The following TIAM2 variants were observed in gnomAD, a reference collection of about 807,000 sequenced individuals.
TIAM2 encodes the protein TIAM Rac1 associated GEF 2, also known as rho guanine nucleotide exchange factor TIAM2.
TIAM2 carries 80 observed loss-of-function variants against 152.9 expected under a neutral mutation model. The ratio of observed to expected loss-of-function variants is 0.52; its 90% CI spans 0.44 to 0.63. The LOEUF (loss-of-function observed/expected upper bound fraction) is 0.63. TIAM2 is among the 30% of genes least tolerant of loss of function. The probability of loss-of-function intolerance (pLI) is 0.00; values close to 1 mark genes in which losing one functional copy is unlikely to be tolerated. For missense variants in TIAM2, 1,965 were observed against 2,120.1 expected, an observed-to-expected ratio of 0.93 and a Z score of 1.44; for synonymous variants, 804 against 838.0, an observed-to-expected ratio of 0.96 and a Z score of 0.70.
At chr6:155,089,846 C>T (rs1778260014) in intron 1 of TIAM2, among the ~76,000 whole-genome samples, 1 of 152,124 alleles carries the variant, frequency 6.6e-6, no homozygotes, top group Non-Finnish European at 1.5e-5. Flanking sequence ...GAGATTTTCT[C>T]TCTCATTCAC....
At chr6:155,081,898 T>C (rs1778069793) in intron 1 of TIAM2, among the ~76,000 whole-genome samples, 1 of 152,210 alleles carries the variant, frequency 6.6e-6, no homozygotes, top group Non-Finnish European at 1.5e-5. Flanking sequence ...AGCCACCTTT[T>C]TCATCAGCTG....
At chr6:155,141,010 C>T (rs1779690605) in intron 5 of TIAM2, among the ~76,000 whole-genome samples, 1 of 152,122 alleles carries the variant, frequency 6.6e-6, no homozygotes, top group South Asian at 2.1e-4. Flanking sequence ...TATTTTATCC[C>T]AAAAGGTAGA....
intron 1 of TIAM2, among the ~76,000 whole-genome samples, chr6:155,020,688 C>A (rs1423465240): frequency 1.3e-5 from 2 of 152,164 alleles, no homozygotes; most frequent in African/African-American, 4.8e-5. Flanking sequence ...GTCTCAAACT[C>A]CTGACCTCAA....
chr6:155,043,748 A>G (rs1392187042), intron 1 of TIAM2, among the ~76,000 whole-genome samples: 1 of 151,074 alleles, frequency 6.6e-6, no homozygotes, highest in Admixed American at 6.6e-5. Context: ...ACCCAGGGTG[A>G]TCTGGTCCCA....
intron 1 of TIAM2, among the ~76,000 whole-genome samples, chr6:155,038,150 A>T (rs960312626): frequency 2.6e-5 from 4 of 152,220 alleles, no homozygotes; most frequent in African/African-American, 7.2e-5. Context: ...TGAACACACC[A>T]TGTAATGAGG....
intron 1 of TIAM2, among the ~76,000 whole-genome samples, chr6:155,046,989 G>A (rs1310305756): frequency 6.6e-6 from 1 of 152,198 alleles, no homozygotes; most frequent in African/African-American, 2.4e-5. Context: ...TATGTTTGGG[G>A]TAAGGAAGCG....
chr6:155,042,066 G>A (rs1777058442), intron 1 of TIAM2, among the ~76,000 whole-genome samples: 1 of 151,728 alleles, frequency 6.6e-6, no homozygotes, highest in Admixed American at 6.6e-5. Context: ...CTTTATGGGA[G>A]AGGAAAGCCT....
At chr6:155,093,551 C>G (rs958235861) in intron 2 of TIAM2, among the ~76,000 whole-genome samples, 6 of 152,214 alleles carry the variant, frequency 3.9e-5, no homozygotes, top group Non-Finnish European at 7.3e-5. Flanking sequence ...CTGCAGGAAG[C>G]ACTAGGACCG....
intron 1 of TIAM2, among the ~76,000 whole-genome samples, chr6:155,007,241 G>A (rs1380307169): frequency 6.6e-6 from 1 of 152,142 alleles, no homozygotes; most frequent in East Asian, 1.9e-4. Context: ...GCTTGCATAG[G>A]ATTGTGAGGA....
chr6:155,094,718 T>A (rs1001393478), intron 2 of TIAM2, among the ~76,000 whole-genome samples: 2 of 143,852 alleles, frequency 1.4e-5, no homozygotes, highest in African/African-American at 5.2e-5. Flanking sequence ...CCTGGCTATA[T>A]CTATGGTTTT....
intron 9 of TIAM2, among the ~76,000 whole-genome samples, chr6:155,172,402 C>G (rs1562340811): frequency 6.6e-6 from 1 of 150,960 alleles, no homozygotes; most frequent in African/African-American, 2.4e-5. Context: ...CCTCAGCTTC[C>G]AAAAAAAATC....
chr6:155,065,426 T>C (rs1777671937), intron 1 of TIAM2, among the ~76,000 whole-genome samples: 1 of 152,182 alleles, frequency 6.6e-6, no homozygotes, highest in South Asian at 2.1e-4. Context: ...AAGGATAACT[T>C]CCTTTTTGTA....
chr6:155,216,994 C>T (rs983220448), intron 15 of TIAM2: 7 of 1,261,276 alleles, frequency 5.5e-6, no homozygotes, highest in South Asian at 1.3e-5. Flanking sequence ...GGAGAGACAA[C>T]GTGTGTCTTA....
chr6:155,224,491 C>G (rs140497325), intron 15 of TIAM2, among the ~76,000 whole-genome samples: 34 of 152,250 alleles, frequency 2.2e-4, no homozygotes, highest in Non-Finnish European at 4.9e-4. Context: ...TGGGATCATT[C>G]GTTTTGTAAA....
At chr6:155,250,641 G>A in intron 21 of TIAM2, 3 of 1,535,136 alleles carry the variant, frequency 2.0e-6, no homozygotes, top group Admixed American at 2.0e-5. Flanking sequence ...TTCATCTTAT[G>A]GAAACTGAGT....
At chr6:155,253,713 C>T (rs1402634125) in intron 24 of TIAM2, 1 of 371,100 alleles carries the variant, frequency 2.7e-6, no homozygotes, top group Non-Finnish European at 4.8e-6. Flanking sequence ...TCTCCTCTTC[C>T]CCAGAGAGGG....
At chr6:155,040,574 A>G (rs1583164125) in intron 1 of TIAM2, among the ~76,000 whole-genome samples, 1 of 152,084 alleles carries the variant, frequency 6.6e-6, no homozygotes, top group Non-Finnish European at 1.5e-5. Flanking sequence ...GCTGGAGTGC[A>G]GTGGCACCAT....
chr6:155,026,434 T>C (rs1776603645), intron 1 of TIAM2, among the ~76,000 whole-genome samples: 1 of 152,090 alleles, frequency 6.6e-6, no homozygotes, highest in African/African-American at 2.4e-5. Context: ...CTGGTGGGGG[T>C]AGACTGTTTC....
At chr6:155,054,864 T>C (rs188748819) in intron 1 of TIAM2, among the ~76,000 whole-genome samples, 1 of 152,300 alleles carries the variant, frequency 6.6e-6, no homozygotes, top group Admixed American at 6.5e-5. Context: ...TTTTATGACA[T>C]TGGTGAAAGA....
Sources: allele counts gnomAD v4.1 joint callset (sites outside exome capture counted in the v4.1 genomes callset), GRCh38; gene constraint gnomAD v4.1.1; transcripts MANE v1.5; gene names NCBI Gene and HGNC (gene_info 2026-07-23, HGNC 2026-07-21).